Variants in COL21A1 observed in about 807,000 individuals in gnomAD.
The protein encoded by COL21A1 is collagen type XXI alpha 1 chain.
COL21A1 carries 149 observed loss-of-function variants against 137.9 expected under a neutral mutation model. The observed-to-expected ratio is 1.08, with a 90% CI of 0.95 to 1.24. The LOEUF (loss-of-function observed/expected upper bound fraction) is 1.24, where lower values mean the gene tolerates loss of function less well. Ranked by LOEUF, COL21A1 falls within the 50% of genes most tolerant of loss-of-function variation. The pLI is 0.00. For missense variants in COL21A1, 1,167 were observed against 1,158.4 expected, an observed-to-expected ratio of 1.01 and a Z score of -0.11; for synonymous variants, 456 against 391.5, an observed-to-expected ratio of 1.16 and a Z score of -1.95.
intron 12 of COL21A1, among the ~76,000 whole-genome samples, chr6:56,127,955 A>T (rs1427015817): frequency 6.6e-6 from 1 of 152,142 alleles, no homozygotes; most frequent in East Asian, 1.9e-4. Flanking sequence ...AAACGTGGAC[A>T]TCCCAGACTA....
intron 16 of COL21A1, among the ~76,000 whole-genome samples, chr6:56,106,721 T>C (rs1002251641): frequency 2.6e-5 from 4 of 151,778 alleles, no homozygotes; most frequent in Non-Finnish European, 5.9e-5. Context: ...TTTCATATTT[T>C]CCTCACACAA....
intron 1 of COL21A1, among the ~76,000 whole-genome samples, chr6:56,260,651 G>T (rs867807057): frequency 7.5e-4 from 47 of 62,378 alleles, no homozygotes; most frequent in East Asian, 1.7e-3. Flanking sequence ...AAGGAAGGAA[G>T]GAAGGAATGA....
At chr6:56,139,515 A>G (rs1474817931) in intron 12 of COL21A1, among the ~76,000 whole-genome samples, 5 of 151,996 alleles carry the variant, frequency 3.3e-5, no homozygotes, top group African/African-American at 1.2e-4. Flanking sequence ...ACACACACAC[A>G]CAAGTGTTTG....
At chr6:56,270,866 A>C (rs1763508745) in intron 1 of COL21A1, among the ~76,000 whole-genome samples, 1 of 152,132 alleles carries the variant, frequency 6.6e-6, no homozygotes, top group African/African-American at 2.4e-5. Context: ...CACAATTGTA[A>C]GTTTCCTGAG....
chr6:56,240,281 T>G (rs1419625816), intron 1 of COL21A1, among the ~76,000 whole-genome samples: 1 of 152,176 alleles, frequency 6.6e-6, no homozygotes, highest in Non-Finnish European at 1.5e-5. Context: ...TGGCTTTCCC[T>G]TAGTCTTCCA....
intron 1 of COL21A1, among the ~76,000 whole-genome samples, chr6:56,197,798 C>T (rs1056507535): frequency 6.6e-6 from 1 of 151,926 alleles, no homozygotes; most frequent in Non-Finnish European, 1.5e-5. Context: ...TATAGAGGTT[C>T]CTCAAAAAAA....
At chr6:56,191,607 A>AAG (rs1252293921) in intron 1 of COL21A1, among the ~76,000 whole-genome samples, 13 of 150,972 alleles carry the variant, frequency 8.6e-5, no homozygotes, top group South Asian at 6.3e-4. Context: ...AAAAAAAAAA[A>AAG]ATCCAGAGAG....
intron 1 of COL21A1, among the ~76,000 whole-genome samples, chr6:56,269,286 C>T (rs1353085289): frequency 1.3e-5 from 2 of 152,124 alleles, no homozygotes; most frequent in Non-Finnish European, 2.9e-5. Flanking sequence ...TACAAGATAA[C>T]TGTCCCCAAG....
intron 12 of COL21A1, among the ~76,000 whole-genome samples, chr6:56,141,493 T>C (rs1368252774): frequency 2.0e-5 from 3 of 152,142 alleles, no homozygotes; most frequent in African/African-American, 7.2e-5. Flanking sequence ...TCCTTTCACA[T>C]AACCCACTCC....
intron 16 of COL21A1, among the ~76,000 whole-genome samples, chr6:56,104,768 A>G (rs1218621827): frequency 6.6e-6 from 1 of 152,024 alleles, no homozygotes; most frequent in Admixed American, 6.6e-5. Flanking sequence ...ACAGTTCTTT[A>G]AAAAAAAGGA....
At chr6:56,136,826 C>T (rs1460788754) in intron 12 of COL21A1, among the ~76,000 whole-genome samples, 1 of 152,094 alleles carries the variant, frequency 6.6e-6, no homozygotes, top group Admixed American at 6.6e-5. Flanking sequence ...GACCTATGAT[C>T]TACAATGAAC....
intron 1 of COL21A1, among the ~76,000 whole-genome samples, chr6:56,257,770 A>G (rs539323380): frequency 3.3e-5 from 5 of 152,332 alleles, no homozygotes; most frequent in African/African-American, 1.2e-4. Flanking sequence ...ATATCATAAA[A>G]TATTCTTTTA....
intron 1 of COL21A1, among the ~76,000 whole-genome samples, chr6:56,256,060 G>A (rs946934317): frequency 1.3e-5 from 2 of 152,180 alleles, no homozygotes; most frequent in African/African-American, 4.8e-5. Flanking sequence ...TTTTCCTAAA[G>A]AAAAGTTAAG....
chr6:56,322,925 T>C (rs2152341653), intron 1 of COL21A1, among the ~76,000 whole-genome samples: 1 of 143,920 alleles, frequency 6.9e-6, no homozygotes, highest in South Asian at 2.2e-4. Flanking sequence ...AGAATACAAG[T>C]TTTAAATTTT....
rs1279188675 is a variant in COL21A1, at chr6:56,179,790, G to GT, written c.427dup (p.Thr143AsnfsTer8). On this transcript the variant is annotated frameshift_variant, in exon 3 of 30. Coordinates refer to ENST00000244728, the MANE Select transcript of COL21A1 (RefSeq NM_030820.4). LOFTEE classifies it high-confidence loss of function. ...GACGTCATCTTGGGATTTGCCATCC[G>GT]TAAGTACCACTGCTATCTTAGTCAG... is the stretch of plus-strand genomic sequence containing the variant. 1.9e-6 allele frequency: 3 copies of GT among 1,613,734 alleles called. No homozygotes were observed. The highest frequency in any genetic ancestry group is 2.5e-6 in the Non-Finnish European group (3 of 1,179,826).
At chr6:56,322,034 A>G (rs1764881439) in intron 1 of COL21A1, among the ~76,000 whole-genome samples, 1 of 152,172 alleles carries the variant, frequency 6.6e-6, no homozygotes, top group South Asian at 2.1e-4. Context: ...GGCAACAACC[A>G]GCTAAGTGGT....
intron 16 of COL21A1, among the ~76,000 whole-genome samples, chr6:56,113,698 ACT>A (rs1002429717): frequency 2.6e-5 from 4 of 151,838 alleles, no homozygotes; most frequent in Non-Finnish European, 5.9e-5. Flanking sequence ...ATTAAAGGAA[ACT>A]CTGTATTACA....
intron 17 of COL21A1, among the ~76,000 whole-genome samples, chr6:56,084,133 A>T (rs936267254): frequency 4.6e-5 from 7 of 151,936 alleles, no homozygotes; most frequent in African/African-American, 1.7e-4. Flanking sequence ...ATTCAGGAAT[A>T]AACCATAATT....
intron 1 of COL21A1, among the ~76,000 whole-genome samples, chr6:56,194,634 A>G (rs1232052549): frequency 1.3e-5 from 2 of 151,408 alleles, no homozygotes; most frequent in Admixed American, 1.3e-4. Context: ...ATAGGGTAGT[A>G]TAACTCAGAA....
Sources: allele counts gnomAD v4.1 joint callset (sites outside exome capture counted in the v4.1 genomes callset), GRCh38; gene constraint gnomAD v4.1.1; transcripts MANE v1.5; gene names NCBI Gene and HGNC (gene_info 2026-07-23, HGNC 2026-07-21).